C7: variants seen among roughly 807,000 people sequenced by gnomAD.
C7 encodes the protein complement component C7.
In C7, 83 loss-of-function variants were observed where a neutral mutation model predicts 104.8. The observed-to-expected ratio is 0.79, with a 90% CI of 0.66 to 0.95. The LOEUF (loss-of-function observed/expected upper bound fraction) is 0.95. Ranked by LOEUF, C7 falls within the 40% of genes least tolerant of loss-of-function variation. The probability of loss-of-function intolerance (pLI) is 0.00; values close to 1 mark genes in which losing one functional copy is unlikely to be tolerated. For missense variants in C7, 1,070 were observed against 1,011.2 expected (o/e 1.06, Z -0.79); for synonymous variants, 415 against 360.6 (o/e 1.15, Z -1.71).
chr5:40,951,886 A>G (rs1740178694), intron 9 of C7, among the ~76,000 whole-genome samples: 1 of 152,226 alleles, frequency 6.6e-6, no homozygotes, highest in Non-Finnish European at 1.5e-5. Context: ...TGCTTCATTC[A>G]TCAACTATTT....
Position 40,966,260 on chromosome 5 carries a change from C to G in C7, c.1882+1387C>G, listed in dbSNP as rs188054017. Among the ~76,000 whole-genome samples the G allele has an allele frequency of 4.8e-3, 732 of 152,218 alleles. 1 individual carries two copies. The highest frequency in any genetic ancestry group is 8.1e-3 in the Non-Finnish European group (554 of 68,012). ...GTTTGTAGTCTTTTATCCCTTACCCCCTTCCCACCCTTTCTCTCTGAATCC... is the reference window on the plus strand; with the variant it reads ...GTTTGTAGTCTTTTATCCCTTACCCGCTTCCCACCCTTTCTCTCTGAATCC... On this transcript the variant is annotated intron_variant, in intron 14 of 17. Transcript: ENST00000313164.
chr5:40,914,052 C>T (rs1308227514), intron 1 of C7, among the ~76,000 whole-genome samples: 1 of 152,152 alleles, frequency 6.6e-6, no homozygotes, highest in Non-Finnish European at 1.5e-5. Context: ...TGGTCTCAAA[C>T]TTCTGGCTTC....
At chr5:40,978,567 CAG>C (rs1348434450) in intron 16 of C7, among the ~76,000 whole-genome samples, 2 of 152,120 alleles carry the variant, frequency 1.3e-5, no homozygotes, top group African/African-American at 4.8e-5. Flanking sequence ...TTTCAATAAA[CAG>C]ATGAAAAGAT....
chr5:40,926,005 T>C (rs1443566410), intron 1 of C7, among the ~76,000 whole-genome samples: 1 of 152,118 alleles, frequency 6.6e-6, no homozygotes, highest in Admixed American at 6.6e-5. Context: ...TGAACATAGA[T>C]ACAAAAATCT....
chr5:40,960,036 A>G lies in C7; in HGVS notation c.1661+416A>G, dbSNP rs533059751. Among the ~76,000 whole-genome samples the G allele has an allele frequency of 9.8e-5, 15 of 152,366 alleles. No individual in the cohort carries two copies. The South Asian group carries it at 2.9e-3, about 29-fold the overall frequency. ...CCAAAGTGATTACTAAGCATTCATTAAAGTTTGTATTACTTTTCAGATACA... is the reference window on the plus strand; with the variant it reads ...CCAAAGTGATTACTAAGCATTCATTGAAGTTTGTATTACTTTTCAGATACA... On this transcript the variant is annotated intron_variant, in intron 12 of 17. Transcript: ENST00000313164.
Position 40,934,482 on chromosome 5 carries a change from T to C in C7, c.280+16T>C, listed in dbSNP as rs752686829. 10 of 1,612,630 alleles carry C rather than the reference T, an allele frequency of 6.2e-6. No individual in the cohort carries two copies. Among genetic ancestry groups the C allele is most frequent in the Non-Finnish European group, 8.5e-6 (10 of 1,178,936 alleles). On this transcript the variant is annotated intron_variant, in intron 4 of 17. Transcript: ENST00000313164. ...TGCTTTTCAGGTAACTTGTTTTCCA[T>C]AGGCTCAGCATGCAGATTGTAAATT...
chr5:40,930,710 G>A (rs976734824), intron 2 of C7, among the ~76,000 whole-genome samples: 6 of 151,556 alleles, frequency 4.0e-5, no homozygotes, highest in East Asian at 3.9e-4. Context: ...TTACAGGCAC[G>A]CGCCACCCTG....
chr5:40,967,015 T>A (rs1311292021), intron 14 of C7, among the ~76,000 whole-genome samples: 2 of 152,108 alleles, frequency 1.3e-5, no homozygotes, highest in Non-Finnish European at 2.9e-5. Context: ...CTTCTTTTCC[T>A]TTATTGTGAA....
At chr5:40,922,696 C>CAAAAAAAAAAAAAAAAAAAAAAAAA (rs780972661) in intron 1 of C7, among the ~76,000 whole-genome samples, 1 of 114,096 alleles carries the variant, frequency 8.8e-6, no homozygotes, top group Non-Finnish European at 1.8e-5. Context: ...GTGAGACTGT[C>CAAAAAAAAAAAAAAAAAAAAAAAAA]AAAAAAAAAA....
intron 14 of C7, 52 bp downstream of exon 14, chr5:40,964,925 G>C: frequency 6.3e-7 from 1 of 1,597,830 alleles, no homozygotes; most frequent in Non-Finnish European, 8.6e-7. Context: ...ACGTGGAAGA[G>C]AATGAATCAA....
intron 7 of C7, among the ~76,000 whole-genome samples, chr5:40,946,700 T>C (rs539550168): frequency 6.6e-6 from 1 of 152,228 alleles, no homozygotes; most frequent in East Asian, 1.9e-4. Flanking sequence ...TATTTATCAG[T>C]TGATAGATTA....
At chr5:40,955,335 T>C in intron 9 of C7, 52 bp from the exon 10 acceptor site, 2 of 1,540,420 alleles carry the variant, frequency 1.3e-6, no homozygotes, top group Non-Finnish European at 1.8e-6. Context: ...TTTGATAGTT[T>C]TTTTAAATAC....
At chr5:40,948,721 CT>C (rs1214692948) in intron 8 of C7, among the ~76,000 whole-genome samples, 1 of 151,936 alleles carries the variant, frequency 6.6e-6, no homozygotes, top group East Asian at 1.9e-4. Flanking sequence ...CAAGTCAAAC[CT>C]TTTTTTTCCT....
At chr5:40,938,894 G>A (rs145095721) in intron 6 of C7, among the ~76,000 whole-genome samples, 3,171 of 152,294 alleles carry the variant, frequency 0.021, 57 homozygotes, top group Middle Eastern at 0.12. Context: ...ATGCAAACAT[G>A]TTGAAGCAAT....
chr5:40,929,264 T>A (rs2111573944), intron 2 of C7, among the ~76,000 whole-genome samples: 1 of 152,282 alleles, frequency 6.6e-6, no homozygotes, highest in East Asian at 1.9e-4. Context: ...TGTTAAGGGC[T>A]CTGACAGAAG....
intron 1 of C7, among the ~76,000 whole-genome samples, chr5:40,922,528 C>T (rs899104754): frequency 1.2e-4 from 18 of 151,252 alleles, no homozygotes; most frequent in Non-Finnish European, 2.4e-4. Context: ...GGTGAAACCC[C>T]GTCTCTACTA....
intron 8 of C7, among the ~76,000 whole-genome samples, chr5:40,949,056 C>T (rs1047470991): frequency 1.3e-5 from 2 of 151,938 alleles, no homozygotes; most frequent in African/African-American, 4.8e-5. Flanking sequence ...AGAATTAATC[C>T]AGCAAGTAGT....
intron 6 of C7, among the ~76,000 whole-genome samples, chr5:40,940,137 G>A (rs1739905071): frequency 6.6e-6 from 1 of 152,156 alleles, no homozygotes; most frequent in East Asian, 1.9e-4. Flanking sequence ...CTCTCTTTGA[G>A]GTGGAAAGTG....
chr5:40,916,468 A>G (rs964394507), intron 1 of C7, among the ~76,000 whole-genome samples: 39 of 152,198 alleles, frequency 2.6e-4, no homozygotes, highest in African/African-American at 9.2e-4. Flanking sequence ...AGCCATTTGC[A>G]CTGCTACTTC....
Sources: allele counts gnomAD v4.1 joint callset (sites outside exome capture counted in the v4.1 genomes callset), GRCh38; gene constraint gnomAD v4.1.1; transcripts MANE v1.5; gene names NCBI Gene and HGNC (gene_info 2026-07-23, HGNC 2026-07-21).